The following COA1 variants were observed in gnomAD, a reference collection of about 807,000 sequenced individuals.
COA1 encodes the protein cytochrome c oxidase assembly factor 1, also known as cytochrome c oxidase assembly factor 1 homolog.
In COA1, 13 loss-of-function variants were observed where a neutral mutation model predicts 16.0. That is an observed-to-expected ratio of 0.81 (90% confidence interval 0.53 to 1.29). The LOEUF (loss-of-function observed/expected upper bound fraction) is 1.29, where lower values mean the gene tolerates loss of function less well. Ranked by LOEUF, COA1 falls within the 50% of genes most tolerant of loss-of-function variation. COA1 has a pLI of 0.00. For synonymous variants in COA1, 65 were observed against 65.7 expected (o/e 0.99, Z 0.05); for missense variants, 179 against 177.0 (o/e 1.01, Z -0.06).
intron 1 of COA1, chr7:43,659,040 T>G (rs1359024136): frequency 6.6e-6 from 1 of 152,224 alleles, no homozygotes; most frequent in Admixed American, 6.5e-5. Context: ...GACTTGCTTT[T>G]TGTTAAAGAT....
At chr7:43,665,208 A>G (rs2092797768) in intron 1 of COA1, among the ~76,000 whole-genome samples, 1 of 152,226 alleles carries the variant, frequency 6.6e-6, no homozygotes, top group Non-Finnish European at 1.5e-5. Flanking sequence ...GGAAAAAAAC[A>G]GACATTTTCC....
intron 1 of COA1, among the ~76,000 whole-genome samples, chr7:43,695,613 A>AATG (rs1563399536): frequency 1.3e-5 from 2 of 151,900 alleles, no homozygotes; most frequent in African/African-American, 4.8e-5. Flanking sequence ...ATGAATGAAT[A>AATG]GTGCTTACAC....
intron 6 of COA1, among the ~76,000 whole-genome samples, chr7:43,617,031 G>A (rs77662279): frequency 0.023 from 3,440 of 152,290 alleles, 112 homozygotes; most frequent in African/African-American, 0.076. Flanking sequence ...AAGAAGAACA[G>A]AAAAAAGCGT....
chr7:43,637,991 G>GTAACT (rs1174247049), downstream of COA1, among the ~76,000 whole-genome samples: 2 of 152,180 alleles, frequency 1.3e-5, no homozygotes, highest in East Asian at 3.8e-4. Context: ...AGGACAGTGT[G>GTAACT]TAACTTAAAG....
chr7:43,721,913 AC>A (rs200896178), intron 1 of COA1, among the ~76,000 whole-genome samples: 57,060 of 151,796 alleles, frequency 0.38, 10,749 homozygotes, highest in South Asian at 0.54. Flanking sequence ...AGCCCAAAAA[AC>A]ATTAGAAAGA....
chr7:43,660,279 A>G (rs889916401), intron 1 of COA1, among the ~76,000 whole-genome samples: 1 of 151,962 alleles, frequency 6.6e-6, no homozygotes, highest in Admixed American at 6.6e-5. Flanking sequence ...CTGCACTTGA[A>G]ATTCCTAGTA....
intron 6 of COA1, among the ~76,000 whole-genome samples, chr7:43,610,255 G>A (rs1324586933): frequency 1.3e-5 from 2 of 148,260 alleles, no homozygotes; most frequent in Non-Finnish European, 3.0e-5. Context: ...GCTGAGGCAG[G>A]AGAATGGTGT....
At chr7:43,671,479 G>A (rs923886468) in intron 1 of COA1, among the ~76,000 whole-genome samples, 10 of 151,988 alleles carry the variant, frequency 6.6e-5, no homozygotes, top group South Asian at 6.2e-4. Flanking sequence ...TAATGGCCAC[G>A]AAAAAATAAA....
intron 4 of COA1, among the ~76,000 whole-genome samples, chr7:43,643,838 C>T (rs1489291296): frequency 6.6e-6 from 1 of 152,204 alleles, no homozygotes; most frequent in Non-Finnish European, 1.5e-5. Context: ...AATCAGAATA[C>T]CAGAGCATGA....
intron 1 of COA1, among the ~76,000 whole-genome samples, chr7:43,706,501 C>T (rs2094981739): frequency 6.7e-6 from 1 of 149,966 alleles, no homozygotes; most frequent in South Asian, 2.1e-4. Context: ...GAGCCGAGAT[C>T]ATGGCACTGT....
At chr7:43,707,906 C>T (rs888759502) in intron 1 of COA1, among the ~76,000 whole-genome samples, 1 of 152,216 alleles carries the variant, frequency 6.6e-6, no homozygotes, top group African/African-American at 2.4e-5. Flanking sequence ...AGCATGCATA[C>T]ATTCTGCTTC....
intron 6 of COA1, among the ~76,000 whole-genome samples, chr7:43,611,110 C>G (rs192532824): frequency 3.3e-5 from 5 of 152,272 alleles, no homozygotes; most frequent in Admixed American, 3.3e-4. Context: ...GAATGAGACT[C>G]CGTCTCAAAA....
At chr7:43,641,566 T>G (rs1270836306) in intron 4 of COA1, 3 of 152,214 alleles carry the variant, frequency 2.0e-5, no homozygotes, top group African/African-American at 7.2e-5. Flanking sequence ...ATTCACTGTT[T>G]TAAAGAGGGA....
chr7:43,656,571 C>T (rs529037970), intron 1 of COA1, among the ~76,000 whole-genome samples: 1 of 152,188 alleles, frequency 6.6e-6, no homozygotes, highest in Non-Finnish European at 1.5e-5. Context: ...TGGCGCAGCC[C>T]TAATCCCAGC....
Position 43,693,730 on chromosome 7 carries a change from G to GTACCTCATCTTACCCTATCA in COA1, c.-39+35679_-39+35698dup, listed in dbSNP as rs1193236625. ...TCCTTCGAATATACCCTCAACTATCGTACCTCATCTTACCCTATCATTATC... is the reference window on the plus strand; with the variant it reads ...TCCTTCGAATATACCCTCAACTATCGTACCTCATCTTACCCTATCATACCTCATCTTACCCTATCATTATC... On this transcript the variant is annotated intron_variant, in intron 1 of 5. Coordinates refer to ENST00000223336, the MANE Select transcript of COA1 (RefSeq NM_018224.4). Among the ~76,000 whole-genome samples the GTACCTCATCTTACCCTATCA allele has an allele frequency of 1.3e-4, 19 of 151,816 alleles. 1 individual carries two copies. In the South Asian group the frequency reaches 3.1e-3, roughly 25 times the overall value.
At chr7:43,609,855 CT>C (rs1362079840) in intron 6 of COA1, among the ~76,000 whole-genome samples, 1 of 152,216 alleles carries the variant, frequency 6.6e-6, no homozygotes, top group African/African-American at 2.4e-5. Flanking sequence ...ATCTACTGAT[CT>C]ACCTTGACCT....
In COA1 at chr7:43,624,730, T is replaced by C. The variant is rs745780567; in HGVS notation, c.*133+14719A>G. 6 of 1,614,048 alleles carry C rather than the reference T, an allele frequency of 3.7e-6. No homozygotes were observed. The Admixed American group carries it at 8.3e-5, about 22-fold the overall frequency. On this transcript the variant is annotated intron_variant and NMD_transcript_variant, in intron 6 of 6. Transcript: ENST00000415076. ...TTAATTGTAGTTACTTCATATACTC[T>C]AGGACAATGCAGACAGTCTGAAAAA...
At chr7:43,624,761 A>G in intron 6 of COA1, 1 of 1,613,614 alleles carries the variant, frequency 6.2e-7, no homozygotes, top group Non-Finnish European at 8.5e-7. Context: ...AAAAAGAGAA[A>G]ATGGAGCAAA....
rs142571920 is a variant in COA1, at chr7:43,691,030, C to A, written c.-39+38399G>T. Among the ~76,000 whole-genome samples, 162 of 84,960 alleles carry A rather than the reference C, an allele frequency of 1.9e-3. No homozygotes were observed. The Middle Eastern group carries it at 0.037, about 20-fold the overall frequency. 55.7% of individuals were successfully genotyped at this position (84,960 alleles called of 152,430 possible). ...GCCAGGAGTTAAAGACCAGCCTGGG[C>A]AATATAGCGAGACCTCATCACTACA... On this transcript the variant is annotated intron_variant, in intron 1 of 5. Coordinates refer to ENST00000223336, the MANE Select transcript of COA1 (RefSeq NM_018224.4).
Sources: allele counts gnomAD v4.1 joint callset (sites outside exome capture counted in the v4.1 genomes callset), GRCh38; gene constraint gnomAD v4.1.1; transcripts MANE v1.5; gene names NCBI Gene and HGNC (gene_info 2026-07-23, HGNC 2026-07-21).